Variants in VAC14 observed in about 807,000 individuals in gnomAD.
VAC14 encodes VAC14 component of PIKFYVE complex.
VAC14 carries 47 observed loss-of-function variants against 85.3 expected under a neutral mutation model. That is an observed-to-expected ratio of 0.55 (90% CI 0.44 to 0.70). VAC14 has a LOEUF of 0.70. Among genes scored for constraint, VAC14 ranks in the 30% least tolerant of loss-of-function variants. The probability of loss-of-function intolerance (pLI) is 0.00; values close to 1 mark genes in which losing one functional copy is unlikely to be tolerated. For synonymous variants in VAC14, 447 were observed against 430.5 expected, an observed-to-expected ratio of 1.04 and a Z score of -0.47; for missense variants, 861 against 1,004.3, an observed-to-expected ratio of 0.86 and a Z score of 1.93.
chr16:70,697,267 A>G lies in VAC14; in HGVS notation c.1837-10T>C. The G allele has an allele frequency of 6.2e-7, 1 of 1,610,424 alleles. No homozygotes were observed. On this transcript the variant is annotated splice_polypyrimidine_tract_variant and intron_variant, in intron 15 of 18. Transcript: ENST00000261776. ...ACAGGTTCTGGCTCTCCTGTGGGGG[A>G]ACAGGCATGAGCCGTGAGGACACGC... is the stretch of plus-strand genomic sequence containing the variant.
chr16:70,752,317 C>T (rs1207543298), intron 12 of VAC14, among the ~76,000 whole-genome samples: 1 of 152,224 alleles, frequency 6.6e-6, no homozygotes, highest in Non-Finnish European at 1.5e-5. Context: ...GGCCATTCCT[C>T]TTAGGGTAAA....
intron 13 of VAC14, among the ~76,000 whole-genome samples, chr16:70,743,037 C>A (rs1193132996): frequency 2.0e-5 from 3 of 152,050 alleles, no homozygotes. Flanking sequence ...TAAAAACGCA[C>A]CAATCAGCAC....
chr16:70,696,269 T>C (rs1375525430), intron 16 of VAC14, among the ~76,000 whole-genome samples: 1 of 152,126 alleles, frequency 6.6e-6, no homozygotes, highest in Non-Finnish European at 1.5e-5. Flanking sequence ...TCCCAGCACT[T>C]TGGGAGGCCG....
At chr16:70,759,732 C>T (rs1303248993) in intron 12 of VAC14, among the ~76,000 whole-genome samples, 1 of 152,184 alleles carries the variant, frequency 6.6e-6, no homozygotes, top group Non-Finnish European at 1.5e-5. Flanking sequence ...ACCACAAAAC[C>T]TTCCCCTGGT....
chr16:70,752,493 A>G (rs2031465507), intron 12 of VAC14, among the ~76,000 whole-genome samples: 1 of 152,210 alleles, frequency 6.6e-6, no homozygotes, highest in Non-Finnish European at 1.5e-5. Flanking sequence ...TCTCAGGGTT[A>G]TAAATTCTCT....
chr16:70,778,901 T>C (rs992004028), intron 9 of VAC14: 1 of 152,182 alleles, frequency 6.6e-6, no homozygotes, highest in African/African-American at 2.4e-5. Context: ...GGTCACAAAA[T>C]ATGTATCCCC....
chr16:70,782,111 G>A lies in VAC14; in HGVS notation c.812-108C>T, dbSNP rs929360008. 1.7e-5 allele frequency: 24 copies of A among 1,443,346 alleles called. No individual in the cohort carries two copies. The East Asian group carries it at 1.7e-4, about 10-fold the overall frequency. The allele number at this position is 1,443,346 out of a possible 1,614,324, so 89.4% of individuals were successfully genotyped here. A position where few individuals can be genotyped will look rare whatever the true frequency, so the allele number is the denominator to read the frequency against. ...GGCTGGCGGCCTGTGGAACCCAAGCGCCTGACGGCTTCCAGCCTCACCAAT... is the reference window on the plus strand; with the variant it reads ...GGCTGGCGGCCTGTGGAACCCAAGCACCTGACGGCTTCCAGCCTCACCAAT... On this transcript the variant is annotated intron_variant, in intron 7 of 18. Transcript: ENST00000261776.
intron 13 of VAC14, among the ~76,000 whole-genome samples, chr16:70,735,560 G>C (rs1368396209): frequency 6.6e-6 from 1 of 152,228 alleles, no homozygotes; most frequent in African/African-American, 2.4e-5. Flanking sequence ...TCATGGTCCT[G>C]CCGGGGAGAT....
intron 14 of VAC14, among the ~76,000 whole-genome samples, chr16:70,719,900 A>G (rs1178846870): frequency 2.0e-5 from 3 of 152,232 alleles, no homozygotes; most frequent in African/African-American, 7.2e-5. Context: ...CAAAAGGCAC[A>G]TAAGAAAGCA....
At chr16:70,782,818 G>C (rs2033875718) in intron 7 of VAC14, among the ~76,000 whole-genome samples, 1 of 152,146 alleles carries the variant, frequency 6.6e-6, no homozygotes, top group South Asian at 2.1e-4. Flanking sequence ...CAGGTGAAAG[G>C]ACCTCTGTGT....
intron 1 of VAC14, among the ~76,000 whole-genome samples, chr16:70,789,296 C>T (rs2034214976): frequency 6.6e-6 from 1 of 152,220 alleles, no homozygotes; most frequent in African/African-American, 2.4e-5. Flanking sequence ...TAGTTTCTGT[C>T]ACAAGGTCTG....
intron 14 of VAC14, among the ~76,000 whole-genome samples, chr16:70,724,876 C>T (rs548283407): frequency 3.3e-5 from 5 of 152,338 alleles, no homozygotes; most frequent in South Asian, 2.1e-4. Context: ...GGGGCCCAAT[C>T]GATACGGCTA....
intron 13 of VAC14, among the ~76,000 whole-genome samples, chr16:70,739,024 C>T (rs1726261394): frequency 6.6e-6 from 1 of 152,214 alleles, no homozygotes; most frequent in Non-Finnish European, 1.5e-5. Context: ...AGGGAAGCCT[C>T]CCACAGGGGC....
At chr16:70,697,352 T>A (rs1244662493) in intron 15 of VAC14, 95 bp from the exon 16 acceptor site, 1 of 986,890 alleles carries the variant, frequency 1.0e-6, no homozygotes, top group Non-Finnish European at 1.5e-6. Flanking sequence ...CAGGTCTAAG[T>A]CCCAGGGGCC....
chr16:70,761,869 A>G (rs1240315606), intron 12 of VAC14, among the ~76,000 whole-genome samples: 1 of 152,224 alleles, frequency 6.6e-6, no homozygotes, highest in South Asian at 2.1e-4. Context: ...GGCCCGGCCC[A>G]GTGCTTAGCA....
At chr16:70,756,513 G>C (rs1037304306) in intron 12 of VAC14, among the ~76,000 whole-genome samples, 1 of 152,218 alleles carries the variant, frequency 6.6e-6, no homozygotes, top group Non-Finnish European at 1.5e-5. Context: ...GTGCTTCCCA[G>C]CGCCTACCCT....
chr16:70,781,082 T>C, intron 8 of VAC14, 143 bp from the exon 9 acceptor site: 1 of 1,143,068 alleles, frequency 8.7e-7, no homozygotes, highest in Non-Finnish European at 1.3e-6. Flanking sequence ...ACAAATGGCT[T>C]GGTGCCCTCC....
intron 17 of VAC14, 142 bp from the exon 18 acceptor site, chr16:70,693,113 C>G (rs943566258): frequency 1.0e-5 from 12 of 1,166,918 alleles, no homozygotes; most frequent in Non-Finnish European, 1.2e-5. Context: ...GCTGTGTGGA[C>G]CCAGCCAGGT....
intron 18 of VAC14, chr16:70,691,017 G>C (rs961289290): frequency 1.0e-6 from 1 of 985,338 alleles, no homozygotes; most frequent in African/African-American, 1.7e-5. Context: ...GCTCACACCA[G>C]ATCCTACTCT....
Sources: allele counts gnomAD v4.1 joint callset (sites outside exome capture counted in the v4.1 genomes callset), GRCh38; gene constraint gnomAD v4.1.1; transcripts MANE v1.5; gene names NCBI Gene and HGNC (gene_info 2026-07-23, HGNC 2026-07-21).